Variants in KAT14 observed in about 807,000 individuals in gnomAD.
KAT14 encodes cysteine-rich protein 2-binding protein.
In KAT14, 66 loss-of-function variants were observed where a neutral mutation model predicts 78.4. The ratio of observed to expected loss-of-function variants is 0.84; its 90% confidence interval spans 0.69 to 1.03. The LOEUF is 1.03. Among genes scored for constraint, KAT14 ranks in the 50% least tolerant of loss-of-function variants. The pLI is 0.00. For synonymous variants in KAT14, 344 were observed against 359.4 expected (o/e 0.96, Z 0.48); for missense variants, 870 against 972.5 (o/e 0.89, Z 1.40).
At chr20:18,166,929 T>C (rs1220195732) in intron 7 of KAT14, among the ~76,000 whole-genome samples, 1 of 152,246 alleles carries the variant, frequency 6.6e-6, no homozygotes, top group Non-Finnish European at 1.5e-5. Flanking sequence ...GGTTTTTTCT[T>C]TGAATCTAGT....
At chr20:18,164,847 AAACTCC>A (rs1360383091) in intron 7 of KAT14, among the ~76,000 whole-genome samples, 3 of 151,796 alleles carry the variant, frequency 2.0e-5, no homozygotes, top group African/African-American at 7.3e-5. Context: ...GACTGATCTC[AAACTCC>A]TGGGCTCGAG....
chr20:18,181,364 CTTTT>C (rs762890490), intron 7 of KAT14, among the ~76,000 whole-genome samples: 7 of 106,798 alleles, frequency 6.6e-5, no homozygotes, highest in African/African-American at 2.2e-4. Context: ...AATTTTGTTT[CTTTT>C]TTTTTTTTTT....
intron 1 of KAT14, among the ~76,000 whole-genome samples, chr20:18,139,183 T>C (rs1044300767): frequency 1.3e-5 from 2 of 152,156 alleles, no homozygotes; most frequent in African/African-American, 2.4e-5. Context: ...TTGAGATGAC[T>C]TAACAATGAA....
chr20:18,142,331 T>C lies in KAT14; in HGVS notation c.-330T>C, dbSNP rs759362717. 2.8e-5 allele frequency: 43 copies of C among 1,536,700 alleles called. No individual in the cohort carries two copies. Among genetic ancestry groups the C allele is most frequent in the Non-Finnish European group, 6.1e-6 (7 of 1,146,648 alleles). Reference sequence around the variant, plus strand: ...TGAAGCAGAAAGAGAGAAGATGTTATTGGCAAAAGGATCTCAAAAATCATG... The same window carrying C: ...TGAAGCAGAAAGAGAGAAGATGTTACTGGCAAAAGGATCTCAAAAATCATG... On this transcript the variant is annotated 5_prime_UTR_variant, in exon 2 of 11. Transcript: ENST00000688188.
chr20:18,186,979 A>G (rs1220061669), intron 10 of KAT14, among the ~76,000 whole-genome samples: 2 of 152,236 alleles, frequency 1.3e-5, no homozygotes, highest in African/African-American at 4.8e-5. Context: ...TGTTTGACAT[A>G]TTTAAAGGTA....
chr20:18,159,033 C>G (rs757725681), intron 4 of KAT14, 51 bp from the exon 5 acceptor site: 1 of 1,556,354 alleles, frequency 6.4e-7, no homozygotes, highest in Non-Finnish European at 8.6e-7. Flanking sequence ...ACTGTCTTTT[C>G]TGTATAATGA....
At position 18,142,406 on chromosome 20, in the gene KAT14, G is replaced by T; in HGVS notation, c.-255G>T. ...ACAGACAACACGAGTTTGTGTGTGT[G>T]TGTTGATGGAGAGTAGCTTAGTAGT... On this transcript the variant is annotated 5_prime_UTR_variant, in exon 2 of 11. Coordinates refer to ENST00000688188, the MANE Select transcript of KAT14 (RefSeq NM_001392073.1). 1.3e-6 allele frequency: 2 copies of T among 1,515,188 alleles called. No individual in the cohort carries two copies. Among genetic ancestry groups the T allele is most frequent in the South Asian group, 2.5e-5 (2 of 80,938 alleles). 93.9% of individuals were successfully genotyped at this position (1,515,188 alleles called of 1,614,324 possible).
chr20:18,139,090 T>A (rs2037420201), intron 1 of KAT14, among the ~76,000 whole-genome samples: 2 of 152,178 alleles, frequency 1.3e-5, no homozygotes, highest in African/African-American at 4.8e-5. Flanking sequence ...ATGAAGTGGA[T>A]GAGGTCTTTG....
At chr20:18,171,664 T>C (rs1254424643) in intron 7 of KAT14, among the ~76,000 whole-genome samples, 2 of 152,022 alleles carry the variant, frequency 1.3e-5, no homozygotes, top group African/African-American at 4.8e-5. Flanking sequence ...ATACAAAAAT[T>C]AGCCAGGCGT....
chr20:18,181,786 T>C lies in KAT14; in HGVS notation c.1745T>C (p.Met582Thr), dbSNP rs761430420. 23 of 1,614,112 alleles carry C rather than the reference T, an allele frequency of 1.4e-5. No homozygotes were observed. Among genetic ancestry groups the C allele is most frequent in the Admixed American group, 1.7e-5 (1 of 60,004 alleles). ...FLYRLVGSED[M>T]AVDQSIVSPY... ...TATCGCTTGGTAGGATCAGAAGATA[T>C]GGCTGTGGACCAGAGTATTGTCAGC... Residue 582 changes from methionine to threonine, a missense_variant, in exon 8 of 11, where the codon ATG becomes ACG. Met to Thr is a moderately conservative substitution (Grantham distance 81). Transcript: ENST00000688188.
chr20:18,142,438 ATCT>A lies in KAT14; in HGVS notation c.-221_-219del. The A allele has an allele frequency of 1.4e-6, 2 of 1,421,116 alleles. No individual in the cohort carries two copies. The highest frequency in any genetic ancestry group is 1.8e-6 in the Non-Finnish European group (2 of 1,096,658). 88.0% of individuals were successfully genotyped at this position (1,421,116 alleles called of 1,614,324 possible). ...TGGAGAGTAGCTTAGTAGTATCTTC[ATCT>A]TTTTTTTTGGTCACTGTCCTTTTAA... On this transcript the variant is annotated 5_prime_UTR_variant, in exon 2 of 11. Coordinates refer to ENST00000688188, the MANE Select transcript of KAT14 (RefSeq NM_001392073.1).
In KAT14 at chr20:18,162,885, A is replaced by G; in HGVS notation, c.1608A>G (p.Pro536=). The G allele has an allele frequency of 6.2e-7, 1 of 1,614,248 alleles. No homozygotes were observed. Among genetic ancestry groups the G allele is most frequent in the South Asian group, 1.1e-5 (1 of 91,088 alleles). Reference sequence around the variant, plus strand: ...AAGAAGGAGGAATTTCCAGACTTCCAGCTGGACAAGCCACGTACAGAACCA... The same window carrying G: ...AAGAAGGAGGAATTTCCAGACTTCCGGCTGGACAAGCCACGTACAGAACCA... ...GAKEGGISRL[P]AGQATYRTTC... Residue 536 remains proline (P), a synonymous_variant, in exon 7 of 11, where the codon CCA becomes CCG. Transcript: ENST00000688188.
At chr20:18,184,276 C>T (rs184374705) in intron 9 of KAT14, among the ~76,000 whole-genome samples, 6 of 152,168 alleles carry the variant, frequency 3.9e-5, no homozygotes, top group Admixed American at 2.0e-4. Context: ...AACGGAGTCT[C>T]TGAGACATTT....
chr20:18,186,047 A>G (rs2039437961), intron 10 of KAT14, among the ~76,000 whole-genome samples: 1 of 152,154 alleles, frequency 6.6e-6, no homozygotes, highest in Non-Finnish European at 1.5e-5. Flanking sequence ...CTAGGAGAGC[A>G]CTTAGAGGAT....
At chr20:18,181,457 C>T (rs1462022522) in intron 7 of KAT14, among the ~76,000 whole-genome samples, 1 of 151,242 alleles carries the variant, frequency 6.6e-6, no homozygotes, top group Non-Finnish European at 1.5e-5. Flanking sequence ...CAAGCTCCGC[C>T]TCCTGGGTTC....
chr20:18,145,810 T>G (rs1369520669), intron 3 of KAT14, among the ~76,000 whole-genome samples: 2 of 152,140 alleles, frequency 1.3e-5, no homozygotes, highest in African/African-American at 2.4e-5. Context: ...CACTGCTGAC[T>G]TGGTGAATTG....
chr20:18,142,088 G>A, intron 1 of KAT14, 120 bp from the exon 2 acceptor site: 1 of 1,002,338 alleles, frequency 1.0e-6, no homozygotes, highest in Non-Finnish European at 1.4e-6. Context: ...TAGTAACTGG[G>A]TATTTGGAAT....
At position 18,159,094 on chromosome 20, in the gene KAT14, T is replaced by A; in HGVS notation, c.511T>A (p.Ser171Thr). 1 of 1,597,558 alleles carries A rather than the reference T, an allele frequency of 6.3e-7. No homozygotes were observed. Among genetic ancestry groups the A allele is most frequent in the Non-Finnish European group, 8.5e-7 (1 of 1,175,962 alleles). Reference sequence around the variant, plus strand: ...TCTTGGACTCTTTAGGAAAAAGACGTCTACCTGGTGGAGCACCGTGGCAGG... The same window carrying A: ...TCTTGGACTCTTTAGGAAAAAGACGACTACCTGGTGGAGCACCGTGGCAGG... Reference protein sequence around the residue: ...TFLLGNRKKTSTWWSTVAGCL... With the variant: ...TFLLGNRKKTTTWWSTVAGCL... Residue 171 changes from serine to threonine, a missense_variant, in exon 5 of 11, where the codon TCT (serine) becomes ACT (threonine). Coordinates refer to ENST00000688188, the MANE Select transcript of KAT14 (RefSeq NM_001392073.1).
upstream of KAT14, among the ~76,000 whole-genome samples, chr20:18,137,294 T>TATAATA (rs71194227): frequency 2.2e-3 from 327 of 150,292 alleles, 1 homozygote; most frequent in Middle Eastern, 6.8e-3. Context: ...GTATCAAAAT[T>TATAATA]ATAATAATAA....
Sources: gnomAD v4.1 joint callset for allele counts (sites outside exome capture counted in the v4.1 genomes callset) on GRCh38, gnomAD v4.1.1 for gene constraint, MANE v1.5 for transcripts, NCBI Gene and HGNC (gene_info 2026-07-23, HGNC 2026-07-21) for gene names.